Variants in TDRD9 observed in about 807,000 individuals in gnomAD.
TDRD9 encodes the protein ATP-dependent RNA helicase TDRD9.
A neutral mutation model predicts 172.6 loss-of-function variants in TDRD9; 124 were observed. That is an observed-to-expected ratio of 0.72 (90% CI 0.62 to 0.83). TDRD9 has a LOEUF of 0.83. Among genes scored for constraint, TDRD9 ranks in the 40% least tolerant of loss-of-function variants. TDRD9 has a pLI of 0.00. For missense variants in TDRD9, 1,479 were observed against 1,714.1 expected, an observed-to-expected ratio of 0.86 and a Z score of 2.42; for synonymous variants, 619 against 617.1, an observed-to-expected ratio of 1.00 and a Z score of -0.05.
At chr14:104,044,585 C>T (rs535528608) in intron 34 of TDRD9, among the ~76,000 whole-genome samples, 30 of 152,290 alleles carry the variant, frequency 2.0e-4, no homozygotes, top group African/African-American at 6.7e-4. Context: ...TGGCTTCTTT[C>T]ACTTAGCTTA....
At chr14:104,001,461 G>C (rs1036632664) in intron 13 of TDRD9, among the ~76,000 whole-genome samples, 6 of 152,132 alleles carry the variant, frequency 3.9e-5, no homozygotes, top group African/African-American at 9.7e-5. Flanking sequence ...CCTGTTTAAG[G>C]ACATTTGAGG....
rs576284318 is a variant in TDRD9, at chr14:103,980,265, G to A, written c.1011+4712G>A. On this transcript the variant is annotated intron_variant, in intron 7 of 35. Transcript: ENST00000409874. This position sits in a 1 kb window ranked among gnomAD's most constrained non-coding sequence, Gnocchi z 4.5. Reference sequence around the variant, plus strand: ...AGACGCAGAGACCAGTAGTGGCCCCGAATGCCAGGCTGCGCTGATATTTAT... The same window carrying A: ...AGACGCAGAGACCAGTAGTGGCCCCAAATGCCAGGCTGCGCTGATATTTAT... 2.0e-5 allele frequency among the ~76,000 whole-genome samples: 3 copies of A among 152,184 alleles called. No individual in the cohort carries two copies. The highest frequency in any genetic ancestry group is 2.1e-4 in the South Asian group (1 of 4,802).
At chr14:104,049,169 G>GTTTT (rs2035872018) in intron 34 of TDRD9, among the ~76,000 whole-genome samples, 1 of 150,640 alleles carries the variant, frequency 6.6e-6, no homozygotes, top group African/African-American at 2.5e-5. Context: ...TATGTATACA[G>GTTTT]TTTTGCCTTG....
chr14:103,998,806 T>C (rs1409507761), intron 13 of TDRD9, 78 bp downstream of exon 13: 6 of 743,214 alleles, frequency 8.1e-6, no homozygotes, highest in African/African-American at 7.1e-5. Flanking sequence ...TTTTTTTTTT[T>C]CTCTGAGACG....
intron 6 of TDRD9, among the ~76,000 whole-genome samples, chr14:103,973,735 A>C (rs2033130237): frequency 6.6e-6 from 1 of 152,204 alleles, no homozygotes; most frequent in Non-Finnish European, 1.5e-5. Context: ...TGTGTCCCTT[A>C]GGAGCCTCTC....
At chr14:103,948,234 C>G (rs1362822063) in intron 1 of TDRD9, among the ~76,000 whole-genome samples, 1 of 151,236 alleles carries the variant, frequency 6.6e-6, no homozygotes, top group Admixed American at 6.6e-5. Flanking sequence ...TCAGGCTGGT[C>G]TTGAACTCCT....
At chr14:103,952,216 ATATATT>A (rs2031947774) in intron 1 of TDRD9, among the ~76,000 whole-genome samples, 4 of 49,904 alleles carry the variant, frequency 8.0e-5, no homozygotes, top group Non-Finnish European at 1.4e-4. Context: ...ATATATATAT[ATATATT>A]TTTTTTTTTT....
intron 23 of TDRD9, among the ~76,000 whole-genome samples, chr14:104,020,829 G>A (rs1566788103): frequency 6.6e-6 from 1 of 152,280 alleles, no homozygotes; most frequent in East Asian, 1.9e-4. Context: ...GAACTTGCAT[G>A]CATAGCAAGG....
chr14:103,941,505 A>G (rs1214580467), intron 1 of TDRD9: 23 of 1,535,160 alleles, frequency 1.5e-5, no homozygotes, highest in Non-Finnish European at 2.0e-5. Context: ...GTAGTTTCTG[A>G]GCCAGTTGTA....
rs1203652633 is a variant in TDRD9 at position 104,042,111 on chromosome 14, G to A, written c.3898G>A (p.Gly1300Arg). Reference sequence around the variant, plus strand: ...TGCTATTAACAAGCTAGTCTGTGATGGACCAAATGGATGCAAGTGTCTTGG... The same window carrying A: ...TGCTATTAACAAGCTAGTCTGTGATAGACCAAATGGATGCAAGTGTCTTGG... ...RAAINKLVCD[G>R]PNGCKCLGPE... The change falls in exon 34 of 36, where the codon GGA (glycine) becomes AGA (arginine). Residue 1300 changes from glycine (G) to arginine (R), a missense_variant. By Grantham distance (125) the Gly-to-Arg change is moderately radical. Transcript: ENST00000409874. The A allele has an allele frequency of 6.2e-7, 1 of 1,613,586 alleles. No homozygotes were observed. Among genetic ancestry groups the A allele is most frequent in the Non-Finnish European group, 8.5e-7 (1 of 1,179,636 alleles).
At chr14:103,987,370 G>A (rs900632818) in intron 8 of TDRD9, among the ~76,000 whole-genome samples, 2 of 152,024 alleles carry the variant, frequency 1.3e-5, no homozygotes, top group South Asian at 2.1e-4. Context: ...CCATTGTCTG[G>A]ATGTACCTTG....
chr14:104,052,192 C>T lies in TDRD9; in HGVS notation c.*110C>T, dbSNP rs765926465. On this transcript the variant is annotated 3_prime_UTR_variant, in exon 36 of 36. Coordinates refer to ENST00000409874, the MANE Select transcript of TDRD9 (RefSeq NM_153046.3). ...CTGTGTCTGGGTGTTACAGTCTGTG[C>T]CCACTGCATCCTAAAGGCCTTTTCT... 1.8e-4 allele frequency: 117 copies of T among 652,630 alleles called. No homozygotes were observed. The highest frequency in any genetic ancestry group is 2.9e-4 in the Non-Finnish European group (110 of 380,590). The allele number at this position is 652,630 out of a possible 1,614,324, so 40.4% of individuals were successfully genotyped here. A position where few individuals can be genotyped will look rare whatever the true frequency, so the allele number is the denominator to read the frequency against.
At chr14:103,985,245 C>T (rs1157615852) in intron 7 of TDRD9, among the ~76,000 whole-genome samples, 4 of 152,140 alleles carry the variant, frequency 2.6e-5, no homozygotes, top group African/African-American at 9.7e-5. Flanking sequence ...TATGGTTTAG[C>T]TGTGTCCCCA....
intron 29 of TDRD9, 82 bp from the exon 30 acceptor site, chr14:104,031,935 T>G: frequency 1.1e-6 from 1 of 916,628 alleles, no homozygotes. Context: ...CTTTAAAGAA[T>G]GAGCTGACTT....
rs1646061285 is a variant in TDRD9, at chr14:103,970,713, G to A, written c.846+92G>A. 5.9e-6 allele frequency: 6 copies of A among 1,011,466 alleles called. No homozygotes were observed. In the Admixed American group the frequency reaches 1.3e-4, roughly 22 times the overall value. 62.7% of individuals were successfully genotyped at this position (1,011,466 alleles called of 1,614,324 possible). On this transcript the variant is annotated intron_variant, in intron 6 of 35. Transcript: ENST00000409874. ...TCTATAGTCTGTTGGTGTCTATAGA[G>A]CATTCTGGGACCCCGGACAGATACT...
intron 2 of TDRD9, among the ~76,000 whole-genome samples, chr14:103,960,724 G>A (rs889253983): frequency 6.6e-6 from 1 of 152,194 alleles, no homozygotes; most frequent in Non-Finnish European, 1.5e-5. Flanking sequence ...TGTGTTTTGC[G>A]TTACATGGAG....
chr14:103,958,874 G>A (rs191183255), intron 2 of TDRD9, among the ~76,000 whole-genome samples: 44 of 152,278 alleles, frequency 2.9e-4, no homozygotes, highest in Non-Finnish European at 5.9e-4. Context: ...CACTTGTATT[G>A]GATGAGGTTG....
chr14:104,007,305 C>T, intron 19 of TDRD9, 101 bp downstream of exon 19: 1 of 1,160,012 alleles, frequency 8.6e-7, no homozygotes, highest in East Asian at 2.5e-5. Context: ...ACGGTGCCAC[C>T]TGCGGCTGGA....
At chr14:103,971,425 C>T (rs896881828) in intron 6 of TDRD9, among the ~76,000 whole-genome samples, 5 of 152,156 alleles carry the variant, frequency 3.3e-5, no homozygotes, top group African/African-American at 9.6e-5. Context: ...ATGCCTCAGC[C>T]TCTTGAGTAG....
Sources: allele counts gnomAD v4.1 joint callset (sites outside exome capture counted in the v4.1 genomes callset), GRCh38; gene constraint gnomAD v4.1.1; non-coding constraint Gnocchi (gnomAD v3.1); transcripts MANE v1.5; gene names NCBI Gene and HGNC (gene_info 2026-07-23, HGNC 2026-07-21).